Variants in DOCK4 observed in about 807,000 individuals in gnomAD.
The protein encoded by DOCK4 is dedicator of cytokinesis protein 4.
A neutral mutation model predicts 268.1 loss-of-function variants in DOCK4; 97 were observed. The observed-to-expected ratio is 0.36, with a 90% CI of 0.31 to 0.43. The LOEUF (loss-of-function observed/expected upper bound fraction) is 0.43, where lower values mean the gene tolerates loss of function less well. DOCK4 is among the 20% of genes least tolerant of loss of function. The pLI is 1.00. For missense variants in DOCK4, 2,145 were observed against 2,455.7 expected, an observed-to-expected ratio of 0.87 and a Z score of 2.67; for synonymous variants, 954 against 887.2, an observed-to-expected ratio of 1.08 and a Z score of -1.34.
At chr7:111,936,511 T>TGGATG (rs1794751008) in intron 11 of DOCK4, among the ~76,000 whole-genome samples, 2 of 151,984 alleles carry the variant, frequency 1.3e-5, no homozygotes, top group East Asian at 3.9e-4. Flanking sequence ...GATGGATGGA[T>TGGATG]GGATGGATGG....
At chr7:111,870,984 T>C (rs1485783739) in intron 20 of DOCK4, among the ~76,000 whole-genome samples, 2 of 152,248 alleles carry the variant, frequency 1.3e-5, no homozygotes, top group Non-Finnish European at 2.9e-5. Context: ...ATCACACTGA[T>C]GAAGTGTCAA....
chr7:111,734,020 C>T (rs1430694532), intron 51 of DOCK4, among the ~76,000 whole-genome samples: 3 of 152,278 alleles, frequency 2.0e-5, no homozygotes, highest in African/African-American at 7.2e-5. Flanking sequence ...TCACTGCAAC[C>T]TCTGCTTCCT....
chr7:112,061,272 G>C (rs1806359648), intron 1 of DOCK4, among the ~76,000 whole-genome samples: 1 of 152,112 alleles, frequency 6.6e-6, no homozygotes, highest in Admixed American at 6.5e-5. Context: ...ACTGCAAATA[G>C]CCTCATCCTG....
At chr7:111,753,014 G>GGGGA (rs903284319) in intron 42 of DOCK4, among the ~76,000 whole-genome samples, 1 of 137,190 alleles carries the variant, frequency 7.3e-6, no homozygotes, top group Non-Finnish European at 1.6e-5. Context: ...TTGGGGGGGG[G>GGGGA]GTCTGTGATT....
intron 23 of DOCK4, among the ~76,000 whole-genome samples, chr7:111,850,045 C>T (rs1456102870): frequency 2.6e-5 from 4 of 152,128 alleles, no homozygotes; most frequent in African/African-American, 9.7e-5. Context: ...TGCATTGTAT[C>T]TCTTCTTCCA....
At chr7:112,065,499 T>C (rs1205948635) in intron 1 of DOCK4, among the ~76,000 whole-genome samples, 3 of 150,950 alleles carry the variant, frequency 2.0e-5, no homozygotes, top group Non-Finnish European at 4.4e-5. Context: ...TTCAACTGCA[T>C]GAGGGAAGGT....
chr7:111,994,092 A>G (rs751644506), intron 5 of DOCK4, 43 bp downstream of exon 5: 33 of 1,349,328 alleles, frequency 2.4e-5, no homozygotes, highest in Non-Finnish European at 3.1e-5. Context: ...TTCTTAAAAC[A>G]ATTCTTTACC....
intron 2 of DOCK4, among the ~76,000 whole-genome samples, chr7:112,003,300 A>G (rs1800588770): frequency 6.6e-6 from 1 of 152,060 alleles, no homozygotes; most frequent in Non-Finnish European, 1.5e-5. Flanking sequence ...AGACAGGAGG[A>G]TCCCTTGAGC....
At chr7:111,920,268 A>G (rs912456838) in intron 12 of DOCK4, among the ~76,000 whole-genome samples, 1 of 152,184 alleles carries the variant, frequency 6.6e-6, no homozygotes, top group African/African-American at 2.4e-5. Context: ...CATACTTAAA[A>G]ATCGCTAAGA....
chr7:111,918,036 T>C (rs971998685), intron 12 of DOCK4, among the ~76,000 whole-genome samples: 2 of 152,144 alleles, frequency 1.3e-5, no homozygotes, highest in East Asian at 1.9e-4. Context: ...GGTTTGCTTG[T>C]TTTTCAATAG....
intron 36 of DOCK4, among the ~76,000 whole-genome samples, chr7:111,771,479 C>G (rs1798121903): frequency 6.6e-6 from 1 of 152,134 alleles, no homozygotes; most frequent in Non-Finnish European, 1.5e-5. Context: ...ACAGAGAAAG[C>G]AGCCACTAAA....
At chr7:112,132,437 G>A (rs915998902) in intron 1 of DOCK4, among the ~76,000 whole-genome samples, 1 of 152,102 alleles carries the variant, frequency 6.6e-6, no homozygotes, top group Non-Finnish European at 1.5e-5. Flanking sequence ...CCAGCCTTGT[G>A]GCAGCTCACA....
At chr7:111,920,619 T>G (rs1793022925) in intron 12 of DOCK4, among the ~76,000 whole-genome samples, 1 of 152,196 alleles carries the variant, frequency 6.6e-6, no homozygotes, top group Non-Finnish European at 1.5e-5. Flanking sequence ...TCTTAAATTT[T>G]ATCTGTACAT....
chr7:111,840,944 G>A (rs1163362478), intron 25 of DOCK4: 10 of 781,304 alleles, frequency 1.3e-5, no homozygotes, highest in Non-Finnish European at 1.9e-5. Context: ...GACAAGACCA[G>A]GGCATATTTC....
intron 1 of DOCK4, among the ~76,000 whole-genome samples, chr7:112,166,340 TA>T (rs2116553817): frequency 6.6e-6 from 1 of 152,270 alleles, no homozygotes; most frequent in African/African-American, 2.4e-5. Flanking sequence ...TAGAACTTGG[TA>T]AGTTTGGAGG....
At chr7:111,846,417 T>C (rs1448216242) in intron 24 of DOCK4, among the ~76,000 whole-genome samples, 2 of 152,218 alleles carry the variant, frequency 1.3e-5, no homozygotes, top group East Asian at 3.8e-4. Context: ...GTGATTCTTC[T>C]CATTTTGCAG....
intron 36 of DOCK4, 85 bp from the exon 37 acceptor site, chr7:111,769,762 G>GA (rs1056883810): frequency 4.2e-5 from 60 of 1,443,958 alleles, no homozygotes; most frequent in South Asian, 5.4e-5. Flanking sequence ...ACAAACTGGG[G>GA]AAAAAAAATA....
At chr7:111,948,687 C>T (rs1795817564) in intron 8 of DOCK4, among the ~76,000 whole-genome samples, 1 of 151,688 alleles carries the variant, frequency 6.6e-6, no homozygotes, top group Admixed American at 6.6e-5. Context: ...CTCTACCTCC[C>T]GGATTCAGGC....
intron 23 of DOCK4, among the ~76,000 whole-genome samples, chr7:111,854,739 A>C (rs893597187): frequency 1.3e-5 from 2 of 152,200 alleles, no homozygotes; most frequent in Admixed American, 6.5e-5. Context: ...GTCAGTACCT[A>C]GTGTTCATGA....
Sources: gnomAD v4.1 joint callset for allele counts (sites outside exome capture counted in the v4.1 genomes callset) on GRCh38, gnomAD v4.1.1 for gene constraint, MANE v1.5 for transcripts, NCBI Gene and HGNC (gene_info 2026-07-23, HGNC 2026-07-21) for gene names.